PPARGC1A: variants seen among roughly 807,000 people sequenced by gnomAD.
The protein encoded by PPARGC1A is PPARG coactivator 1 alpha.
PPARGC1A carries 25 observed loss-of-function variants against 88.7 expected under a neutral mutation model. That is an observed-to-expected ratio of 0.28 (90% CI 0.21 to 0.39). PPARGC1A has a LOEUF of 0.39. Among genes scored for constraint, PPARGC1A ranks in the 10% least tolerant of loss-of-function variants. The pLI, the probability that PPARGC1A is intolerant of heterozygous loss-of-function variation, is 1.00. For synonymous variants in PPARGC1A, 363 were observed against 355.6 expected, an observed-to-expected ratio of 1.02 and a Z score of -0.24; for missense variants, 880 against 968.7, an observed-to-expected ratio of 0.91 and a Z score of 1.22.
chr4:24,312,887 A>G, the PPARGC1A span, among the ~76,000 whole-genome samples: 29 of 152,316 alleles, frequency 1.9e-4, 1 homozygote, highest in East Asian at 4.3e-3. Flanking sequence ...TAGGAATAAA[A>G]GTCACATCAG....
At chr4:24,356,175 C>T in the PPARGC1A span, among the ~76,000 whole-genome samples, 27 of 145,024 alleles carry the variant, frequency 1.9e-4, no homozygotes, top group South Asian at 6.5e-4. Flanking sequence ...CCAGCCTGGG[C>T]GACAGAGCAA....
upstream of PPARGC1A, chr4:23,890,048 G>T (rs187346390): frequency 1.5e-3 from 2,317 of 1,578,980 alleles, 4 homozygotes; most frequent in Non-Finnish European, 1.4e-3. Context: ...GCCCCTTACT[G>T]AGAGTGAACT....
At chr4:24,009,498 G>A in the PPARGC1A span, among the ~76,000 whole-genome samples, 1 of 152,190 alleles carries the variant, frequency 6.6e-6, no homozygotes, top group African/African-American at 2.4e-5. Context: ...CAGCCCATTA[G>A]GATGACAGGC....
At chr4:24,074,345 T>C in the PPARGC1A span, among the ~76,000 whole-genome samples, 2 of 147,510 alleles carry the variant, frequency 1.4e-5, no homozygotes, top group African/African-American at 5.3e-5. Context: ...TAATTATACT[T>C]ACAATTTGCC....
chr4:24,179,830 C>T, the PPARGC1A span, among the ~76,000 whole-genome samples: 5 of 152,046 alleles, frequency 3.3e-5, no homozygotes, highest in Non-Finnish European at 7.4e-5. Flanking sequence ...TTATTTGTTA[C>T]AGAAAAACAA....
chr4:24,254,281 TA>T, the PPARGC1A span, among the ~76,000 whole-genome samples: 9 of 152,096 alleles, frequency 5.9e-5, no homozygotes, highest in Non-Finnish European at 1.0e-4. Context: ...GGTAAGAAAA[TA>T]TGTGAGATAT....
At chr4:23,880,159 A>G (rs1577636744) in intron 2 of PPARGC1A, 1 of 152,248 alleles carries the variant, frequency 6.6e-6, no homozygotes, top group African/African-American at 2.4e-5. Context: ...ATATACATGA[A>G]TATACAGTCT....
At chr4:23,923,127 T>TA in the PPARGC1A span, among the ~76,000 whole-genome samples, 1 of 151,838 alleles carries the variant, frequency 6.6e-6, no homozygotes, top group East Asian at 1.9e-4. Context: ...TTTTTTTTTT[T>TA]TTTTTTTTTA....
At chr4:24,363,398 C>T in the PPARGC1A span, among the ~76,000 whole-genome samples, 5 of 152,304 alleles carry the variant, frequency 3.3e-5, no homozygotes, top group Non-Finnish European at 7.3e-5. Context: ...GTACTTTTAA[C>T]ATTCAGACTA....
the PPARGC1A span, among the ~76,000 whole-genome samples, chr4:23,968,663 C>G: frequency 6.6e-6 from 1 of 152,046 alleles, no homozygotes; most frequent in Non-Finnish European, 1.5e-5. Context: ...GCTTGTAATC[C>G]CAGCAATTTG....
At chr4:24,101,031 ATTTAT>A in the PPARGC1A span, among the ~76,000 whole-genome samples, 1 of 152,290 alleles carries the variant, frequency 6.6e-6, no homozygotes, top group East Asian at 1.9e-4. Flanking sequence ...AAATTCTATG[ATTTAT>A]TTAATTTACT....
At chr4:24,035,990 C>A in the PPARGC1A span, among the ~76,000 whole-genome samples, 1 of 152,156 alleles carries the variant, frequency 6.6e-6, no homozygotes, top group Non-Finnish European at 1.5e-5. Flanking sequence ...TCTTGGATAG[C>A]AAAGTGTTTT....
chr4:24,116,492 T>A, the PPARGC1A span, among the ~76,000 whole-genome samples: 8 of 152,208 alleles, frequency 5.3e-5, no homozygotes, highest in Non-Finnish European at 1.2e-4. Flanking sequence ...ATAGTTGCTA[T>A]GAAGAATATG....
the PPARGC1A span, among the ~76,000 whole-genome samples, chr4:24,051,733 G>A: frequency 5.2e-3 from 799 of 152,242 alleles, 31 homozygotes; most frequent in East Asian, 0.086. Context: ...GTAGGAAGAG[G>A]GGCTGGGAAG....
At chr4:24,366,082 G>A in the PPARGC1A span, among the ~76,000 whole-genome samples, 1 of 152,142 alleles carries the variant, frequency 6.6e-6, no homozygotes, top group Non-Finnish European at 1.5e-5. Flanking sequence ...GCTTGAACCA[G>A]CCTGAAAGAG....
chr4:23,955,065 G>A, the PPARGC1A span, among the ~76,000 whole-genome samples: 1 of 152,002 alleles, frequency 6.6e-6, no homozygotes, highest in Non-Finnish European at 1.5e-5. Context: ...TTAAAGGAAA[G>A]TTATACTTCA....
the PPARGC1A span, among the ~76,000 whole-genome samples, chr4:24,234,710 A>G: frequency 1.3e-5 from 2 of 152,348 alleles, no homozygotes; most frequent in South Asian, 4.1e-4. Context: ...CCACCTTTAC[A>G]TAGAAGTAAA....
the PPARGC1A span, among the ~76,000 whole-genome samples, chr4:24,157,222 G>C: frequency 0.85 from 130,021 of 152,204 alleles, 56,038 homozygotes; most frequent in African/African-American, 0.96. Flanking sequence ...AAGAAAAGTC[G>C]CCCTGAACCA....
At chr4:23,972,123 C>T in the PPARGC1A span, among the ~76,000 whole-genome samples, 2 of 152,064 alleles carry the variant, frequency 1.3e-5, no homozygotes, top group African/African-American at 4.8e-5. Flanking sequence ...GGAATAAAGG[C>T]ACTGACATTT....
Sources: allele counts gnomAD v4.1 joint callset (sites outside exome capture counted in the v4.1 genomes callset), GRCh38; gene constraint gnomAD v4.1.1; transcripts MANE v1.5; gene names NCBI Gene and HGNC (gene_info 2026-07-23, HGNC 2026-07-21).